The following LINGO2 variants were observed in gnomAD, a reference collection of about 807,000 sequenced individuals.
LINGO2 encodes the protein leucine rich repeat and Ig domain containing 2, also known as leucine-rich repeat and immunoglobulin-like domain-containing nogo receptor-interacting protein 2.
In LINGO2, 14 loss-of-function variants were observed where a neutral mutation model predicts 30.6. The ratio of observed to expected loss-of-function variants is 0.46; its 90% CI spans 0.30 to 0.72. The LOEUF (loss-of-function observed/expected upper bound fraction) is 0.72. LINGO2 is among the 30% of genes least tolerant of loss of function. The probability of loss-of-function intolerance (pLI) is 0.07; values close to 1 mark genes in which losing one functional copy is unlikely to be tolerated. For synonymous variants in LINGO2, 317 were observed against 288.5 expected, an observed-to-expected ratio of 1.10 and a Z score of -1.00; for missense variants, 729 against 751.7, an observed-to-expected ratio of 0.97 and a Z score of 0.35.
chr9:28,133,972 C>T (rs778117072), intron 4 of LINGO2, among the ~76,000 whole-genome samples: 2 of 152,172 alleles, frequency 1.3e-5, no homozygotes, highest in African/African-American at 4.8e-5. Context: ...AAAGAACTCT[C>T]AATAAATAAT....
intron 4 of LINGO2, among the ~76,000 whole-genome samples, chr9:28,098,598 C>T (rs1826318588): frequency 6.6e-6 from 1 of 152,066 alleles, no homozygotes; most frequent in Non-Finnish European, 1.5e-5. Context: ...ACTAAATATC[C>T]TCTGTGTTAT....
the LINGO2 span, among the ~76,000 whole-genome samples, chr9:28,879,109 C>A: frequency 6.6e-6 from 1 of 152,174 alleles, no homozygotes; most frequent in East Asian, 1.9e-4. Flanking sequence ...AGCCCAAAAT[C>A]TCCTTAAGCT....
chr9:28,577,901 A>C (rs1370327743), intron 1 of LINGO2, among the ~76,000 whole-genome samples: 1 of 152,192 alleles, frequency 6.6e-6, no homozygotes, highest in Non-Finnish European at 1.5e-5. Context: ...CTATGGGAAC[A>C]CAAAGAAATG....
At chr9:28,276,100 T>C (rs1229378938) in intron 4 of LINGO2, among the ~76,000 whole-genome samples, 1 of 152,202 alleles carries the variant, frequency 6.6e-6, no homozygotes, top group Non-Finnish European at 1.5e-5. Flanking sequence ...ACTGCTTGGC[T>C]ATGAGTCAAG....
chr9:29,073,201 T>C, the LINGO2 span, among the ~76,000 whole-genome samples: 1 of 152,170 alleles, frequency 6.6e-6, no homozygotes, highest in Admixed American at 6.6e-5. Flanking sequence ...CATATCTCCA[T>C]GCTCTTTTCC....
At chr9:28,903,410 G>A in the LINGO2 span, among the ~76,000 whole-genome samples, 1 of 152,116 alleles carries the variant, frequency 6.6e-6, no homozygotes, top group Non-Finnish European at 1.5e-5. Context: ...AACAGCCCAG[G>A]ACATAACAGC....
At chr9:28,374,098 T>C (rs762035390) in intron 2 of LINGO2, among the ~76,000 whole-genome samples, 4 of 151,822 alleles carry the variant, frequency 2.6e-5, no homozygotes, top group Non-Finnish European at 5.9e-5. Flanking sequence ...CCCAATTTTA[T>C]AGACGAAGGA....
At chr9:28,914,418 A>C in the LINGO2 span, among the ~76,000 whole-genome samples, 26 of 152,356 alleles carry the variant, frequency 1.7e-4, no homozygotes, top group African/African-American at 6.3e-4. Context: ...ACCTATATCA[A>C]GAAGCATTTA....
intron 4 of LINGO2, among the ~76,000 whole-genome samples, chr9:28,145,807 A>G (rs188011812): frequency 4.3e-4 from 65 of 152,272 alleles, no homozygotes; most frequent in Non-Finnish European, 7.8e-4. Context: ...TCTTTCACAA[A>G]TAGCTTCAGC....
chr9:27,989,037 C>T (rs1472448897), intron 5 of LINGO2, among the ~76,000 whole-genome samples: 1 of 151,942 alleles, frequency 6.6e-6, no homozygotes, highest in Admixed American at 6.6e-5. Flanking sequence ...CCAACCTGAG[C>T]CTTCTATTTC....
chr9:28,038,687 C>T (rs940529571), intron 4 of LINGO2, among the ~76,000 whole-genome samples: 5 of 104,470 alleles, frequency 4.8e-5, no homozygotes, highest in African/African-American at 1.1e-4. Flanking sequence ...AGCGAGACTC[C>T]GTCTCAAAAA....
At chr9:28,724,749 G>T in the LINGO2 span, among the ~76,000 whole-genome samples, 5 of 152,126 alleles carry the variant, frequency 3.3e-5, no homozygotes, top group Non-Finnish European at 5.9e-5. Context: ...TATGCATGTT[G>T]TTGTGCCTTC....
At chr9:29,083,634 C>T in the LINGO2 span, among the ~76,000 whole-genome samples, 4 of 145,694 alleles carry the variant, frequency 2.7e-5, no homozygotes, top group African/African-American at 1.0e-4. Flanking sequence ...TAAATAAATT[C>T]TACAGAAATG....
At chr9:28,209,645 C>G (rs1427578036) in intron 4 of LINGO2, among the ~76,000 whole-genome samples, 1 of 151,390 alleles carries the variant, frequency 6.6e-6, no homozygotes, top group Non-Finnish European at 1.5e-5. Flanking sequence ...AACGGTAAAG[C>G]TCTCTGTGTC....
intron 5 of LINGO2, among the ~76,000 whole-genome samples, chr9:27,952,753 T>G (rs111328069): frequency 1.2e-4 from 18 of 152,208 alleles, no homozygotes; most frequent in African/African-American, 4.3e-4. Context: ...AAATTCCAGA[T>G]GAATTAAGGA....
At chr9:28,188,488 G>A (rs1819624002) in intron 4 of LINGO2, among the ~76,000 whole-genome samples, 1 of 152,070 alleles carries the variant, frequency 6.6e-6, no homozygotes, top group East Asian at 1.9e-4. Context: ...GGTATGGGAA[G>A]ACGCCTGAGA....
chr9:28,164,199 T>C (rs1159859310), intron 4 of LINGO2, among the ~76,000 whole-genome samples: 1 of 152,212 alleles, frequency 6.6e-6, no homozygotes, highest in East Asian at 1.9e-4. Context: ...GGTGATTATT[T>C]TGACATCTGA....
the LINGO2 span, among the ~76,000 whole-genome samples, chr9:28,951,568 G>C: frequency 6.6e-6 from 1 of 152,024 alleles, no homozygotes; most frequent in African/African-American, 2.4e-5. Context: ...CCACCCCCAG[G>C]TGGCTCGTAT....
rs10968518 is a variant in LINGO2 at position 28,338,703 on chromosome 9, C to T, written c.-246+34133G>A. On this transcript the variant is annotated intron_variant, in intron 3 of 5. Coordinates refer to ENST00000379992, the Ensembl canonical transcript of LINGO2. ...CAAGATCTGATGGGTATATAAGAGG[C>T]TTTTCCCTTTTTGCTCATTCTTCTT... Among the ~76,000 whole-genome samples, 1,066 of 152,162 alleles carry T rather than the reference C, an allele frequency of 7.0e-3. 69 individuals carry two copies. In the East Asian group the frequency reaches 0.15, roughly 21 times the overall value.
Sources: gnomAD v4.1 joint callset for allele counts (sites outside exome capture counted in the v4.1 genomes callset) on GRCh38, gnomAD v4.1.1 for gene constraint, MANE v1.5 for transcripts, NCBI Gene and HGNC (gene_info 2026-07-23, HGNC 2026-07-21) for gene names.